The following SLC14A2 variants were observed in gnomAD, a reference collection of about 807,000 sequenced individuals.
The protein encoded by SLC14A2 is urea transporter 2.
SLC14A2 carries 91 observed loss-of-function variants against 104.6 expected under a neutral mutation model. The ratio of observed to expected loss-of-function variants is 0.87; its 90% CI spans 0.73 to 1.04. The LOEUF (loss-of-function observed/expected upper bound fraction) is 1.04, where lower values mean the gene tolerates loss of function less well. SLC14A2 is among the 50% of genes least tolerant of loss of function. SLC14A2 has a pLI of 0.00. For synonymous variants in SLC14A2, 476 were observed against 466.4 expected, an observed-to-expected ratio of 1.02 and a Z score of -0.27; for missense variants, 1,189 against 1,156.0, an observed-to-expected ratio of 1.03 and a Z score of -0.41.
At chr18:45,614,494 C>A (rs149332989), upstream of SLC14A2, among the ~76,000 whole-genome samples, 277 of 152,276 alleles carry the variant, frequency 1.8e-3, no homozygotes, top group Admixed American at 2.7e-3. Context: ...CTGGAAGAGC[C>A]ACAGACACTC....
intron 1 of SLC14A2, among the ~76,000 whole-genome samples, chr18:45,315,143 C>G (rs1472966090): frequency 2.0e-5 from 3 of 152,100 alleles, no homozygotes; most frequent in Admixed American, 2.0e-4. Flanking sequence ...TAGGAGTCAT[C>G]AGAGGAAGCT....
intron 2 of SLC14A2, among the ~76,000 whole-genome samples, chr18:45,575,966 C>T (rs980236303): frequency 3.9e-5 from 6 of 152,236 alleles, no homozygotes; most frequent in Non-Finnish European, 1.5e-5. Context: ...AGGCCATCTA[C>T]AGCATCTTGC....
chr18:45,542,038 T>TTTTG, intron 2 of SLC14A2, among the ~76,000 whole-genome samples: 1 of 39,896 alleles, frequency 2.5e-5, no homozygotes, highest in Admixed American at 2.8e-4. Context: ...AGAGAGGGTT[T>TTTTG]TTTTTTTTTT....
At chr18:45,675,704 TA>T (rs2046215638) in intron 18 of SLC14A2, among the ~76,000 whole-genome samples, 11 of 65,876 alleles carry the variant, frequency 1.7e-4, no homozygotes, top group African/African-American at 6.1e-4. Flanking sequence ...TATATATATA[TA>T]TATATTTTTT....
At chr18:45,511,550 G>T (rs2043366118) in intron 2 of SLC14A2, among the ~76,000 whole-genome samples, 1 of 152,122 alleles carries the variant, frequency 6.6e-6, no homozygotes, top group Non-Finnish European at 1.5e-5. Context: ...TTATCACAGT[G>T]GTTGATATTT....
intron 2 of SLC14A2, among the ~76,000 whole-genome samples, chr18:45,495,503 G>A (rs1171815179): frequency 3.9e-5 from 6 of 152,112 alleles, no homozygotes; most frequent in Admixed American, 3.9e-4. Flanking sequence ...CAAGGTGAGG[G>A]GTTGAAGCCT....
At chr18:45,643,708 A>G (rs1441227478) in intron 9 of SLC14A2, among the ~76,000 whole-genome samples, 3 of 151,828 alleles carry the variant, frequency 2.0e-5, no homozygotes, top group Non-Finnish European at 2.9e-5. Context: ...TGTCTTTTGT[A>G]TTTTTTTGGG....
intron 1 of SLC14A2, among the ~76,000 whole-genome samples, chr18:45,299,844 T>C (rs2084951267): frequency 6.6e-6 from 1 of 152,242 alleles, no homozygotes; most frequent in Non-Finnish European, 1.5e-5. Context: ...TCTCAAGTCC[T>C]GGCCTGAGAG....
At chr18:45,346,984 TAAATA>T (rs1286834064) in intron 1 of SLC14A2, among the ~76,000 whole-genome samples, 1 of 117,868 alleles carries the variant, frequency 8.5e-6, no homozygotes, top group African/African-American at 4.3e-5. Context: ...AAAATAAAAA[TAAATA>T]AATAAATAAA....
intron 1 of SLC14A2, among the ~76,000 whole-genome samples, chr18:45,424,843 T>G (rs1251184198): frequency 6.6e-6 from 1 of 152,222 alleles, no homozygotes; most frequent in Non-Finnish European, 1.5e-5. Context: ...CCACTTATAT[T>G]TCTATAGAAA....
chr18:45,658,378 C>T (rs1303248001), intron 10 of SLC14A2, among the ~76,000 whole-genome samples: 2 of 152,010 alleles, frequency 1.3e-5, no homozygotes, highest in African/African-American at 4.8e-5. Flanking sequence ...GTCAGGAGTT[C>T]GAGACCAGCC....
At chr18:45,259,168 A>G (rs931834328) in intron 1 of SLC14A2, among the ~76,000 whole-genome samples, 14 of 152,190 alleles carry the variant, frequency 9.2e-5, no homozygotes, top group Non-Finnish European at 1.3e-4. Flanking sequence ...GTACACTCTT[A>G]TCTCCTCTCT....
At chr18:45,206,114 CAG>C in the SLC14A2 span, among the ~76,000 whole-genome samples, 1 of 152,160 alleles carries the variant, frequency 6.6e-6, no homozygotes, top group Non-Finnish European at 1.5e-5. Context: ...TCACTGAAAA[CAG>C]AGTTGATCTT....
At chr18:45,416,615 A>G (rs1414061298) in intron 1 of SLC14A2, among the ~76,000 whole-genome samples, 3 of 152,050 alleles carry the variant, frequency 2.0e-5, no homozygotes, top group Non-Finnish European at 4.4e-5. Flanking sequence ...CATTGTTGTT[A>G]TTGTTATTGT....
chr18:45,632,314 A>C, intron 4 of SLC14A2, 36 bp from the exon 5 acceptor site: 1 of 1,601,678 alleles, frequency 6.2e-7, no homozygotes, highest in Non-Finnish European at 8.5e-7. Context: ...TAACACCACC[A>C]ACTTCAAATG....
intron 1 of SLC14A2, among the ~76,000 whole-genome samples, chr18:45,309,396 C>T (rs955348125): frequency 1.3e-5 from 2 of 151,676 alleles, no homozygotes; most frequent in African/African-American, 4.8e-5. Context: ...GCAATCATAG[C>T]CAACTACAGC....
chr18:45,273,007 T>A (rs1382341034), intron 1 of SLC14A2, among the ~76,000 whole-genome samples: 1 of 152,096 alleles, frequency 6.6e-6, no homozygotes, highest in Non-Finnish European at 1.5e-5. Context: ...AATCGTGCAA[T>A]TGCAAATATC....
At chr18:45,461,683 G>A (rs1467468768) in intron 1 of SLC14A2, among the ~76,000 whole-genome samples, 1 of 152,070 alleles carries the variant, frequency 6.6e-6, no homozygotes, top group East Asian at 1.9e-4. Context: ...TGACATGAAG[G>A]GCAACAAAAA....
At chr18:45,182,955 G>A in the SLC14A2 span, among the ~76,000 whole-genome samples, 4 of 152,044 alleles carry the variant, frequency 2.6e-5, no homozygotes, top group Admixed American at 2.0e-4. Flanking sequence ...AAATCATGAG[G>A]GAATAATTAA....
Sources: gnomAD v4.1 joint callset for allele counts (sites outside exome capture counted in the v4.1 genomes callset) on GRCh38, gnomAD v4.1.1 for gene constraint, MANE v1.5 for transcripts, NCBI Gene and HGNC (gene_info 2026-07-23, HGNC 2026-07-21) for gene names.